The following TLK1 variants were observed in gnomAD, a reference collection of about 807,000 sequenced individuals.
TLK1 encodes tousled like kinase 1, also known as serine/threonine-protein kinase tousled-like 1.
A neutral mutation model predicts 105.3 loss-of-function variants in TLK1; 24 were observed. The observed-to-expected ratio is 0.23, with a 90% CI of 0.17 to 0.32. The LOEUF (loss-of-function observed/expected upper bound fraction) is 0.32, where lower values mean the gene tolerates loss of function less well. Ranked by LOEUF, TLK1 falls within the 10% of genes least tolerant of loss-of-function variation. The pLI, the probability that TLK1 is intolerant of heterozygous loss-of-function variation, is 1.00. For synonymous variants in TLK1, 321 were observed against 310.4 expected (o/e 1.03, Z -0.36); for missense variants, 558 against 910.5 (o/e 0.61, Z 4.98).
chr2:170,996,008 G>T (rs1351334980), intron 20 of TLK1, among the ~76,000 whole-genome samples: 2 of 148,598 alleles, frequency 1.3e-5, no homozygotes, highest in Non-Finnish European at 3.0e-5. Context: ...GGCCTATTTG[G>T]TTTTTTTGAG....
chr2:171,145,163 C>T (rs1691740342), intron 1 of TLK1, among the ~76,000 whole-genome samples: 1 of 151,866 alleles, frequency 6.6e-6, no homozygotes. Context: ...CAAAAATTAG[C>T]CAGGCGTGGA....
intron 3 of TLK1, among the ~76,000 whole-genome samples, chr2:171,064,990 T>C (rs1381037792): frequency 6.6e-6 from 1 of 152,074 alleles, no homozygotes; most frequent in Admixed American, 6.6e-5. Context: ...TTAATCAAGG[T>C]TTTTATATCT....
chr2:171,122,577 A>G (rs556477404), intron 1 of TLK1, among the ~76,000 whole-genome samples: 84 of 152,294 alleles, frequency 5.5e-4, no homozygotes, highest in Middle Eastern at 3.4e-3. Context: ...CCAGTCACAA[A>G]TATTTTAGTC....
chr2:171,011,421 A>G lies in TLK1; in HGVS notation c.1368T>C (p.Tyr456=), dbSNP rs567476586. The change falls in exon 14 of 21, where the codon TAT becomes TAC. Residue 456 remains tyrosine, a synonymous_variant. Coordinates refer to ENST00000431350, the MANE Select transcript of TLK1 (RefSeq NM_012290.5). ...CTCTACCAAGCAGATGAAGTAATAAATATCTTTCATTTAATGTTGGGTGAT... is the reference window on the plus strand; with the variant it reads ...CTCTACCAAGCAGATGAAGTAATAAGTATCTTTCATTTAATGTTGGGTGAT... ...FKDHPTLNER[Y]LLLHLLGRGG... is the part of the protein sequence containing the mutation. 1.2e-6 allele frequency: 2 copies of G among 1,613,556 alleles called. No individual in the cohort carries two copies. Among genetic ancestry groups the G allele is most frequent in the Admixed American group, 1.7e-5 (1 of 59,966 alleles).
chr2:171,202,498 C>T (rs1693423013), intron 1 of TLK1, among the ~76,000 whole-genome samples: 1 of 151,940 alleles, frequency 6.6e-6, no homozygotes, highest in South Asian at 2.1e-4. Context: ...GTGGCTTATG[C>T]CTGTAATCCC....
intron 1 of TLK1, among the ~76,000 whole-genome samples, chr2:171,208,751 G>T (rs1693555097): frequency 6.6e-6 from 1 of 152,174 alleles, no homozygotes; most frequent in Non-Finnish European, 1.5e-5. Flanking sequence ...TCATTCTCTT[G>T]GGGAAGCTGT....
rs1683888019 is a variant in TLK1 at position 170,993,602 on chromosome 2, CCT to C, written c.*176_*177del. On this transcript the variant is annotated 3_prime_UTR_variant, in exon 21 of 21. Transcript: ENST00000431350. ...TGTGCATTTATTCATTGTCCATGAT[CCT>C]CTCTCATACAAATGACACTATGAGG... The C allele has an allele frequency of 2.1e-6, 1 of 485,518 alleles. No individual in the cohort carries two copies. The highest frequency in any genetic ancestry group is 6.1e-5 in the South Asian group (1 of 16,432). The allele number at this position is 485,518 out of a possible 1,614,324, so 30.1% of individuals were successfully genotyped here. A position where few individuals can be genotyped will look rare whatever the true frequency, so the allele number is the denominator to read the frequency against.
intron 13 of TLK1, among the ~76,000 whole-genome samples, chr2:171,013,531 C>G (rs1685031618): frequency 6.6e-6 from 1 of 151,704 alleles, no homozygotes; most frequent in Non-Finnish European, 1.5e-5. Context: ...GTTTTTGACT[C>G]CTGGGCTCAA....
chr2:171,015,969 T>C (rs961102451), intron 12 of TLK1, among the ~76,000 whole-genome samples: 2 of 150,950 alleles, frequency 1.3e-5, no homozygotes, highest in Admixed American at 6.6e-5. Context: ...TCCCAGCTAC[T>C]TGGGAGGCTG....
intron 1 of TLK1, among the ~76,000 whole-genome samples, chr2:171,230,932 T>A (rs565204145): frequency 4.2e-4 from 64 of 152,310 alleles, no homozygotes; most frequent in Non-Finnish European, 9.3e-4. Context: ...CAAAAGCAGC[T>A]GAGAGACATT....
rs892630051 is a variant in TLK1 at position 170,991,666 on chromosome 2, G to C, written c.*2114C>G. ...TAAAATGGTAAAGCAGTGATCTCTA[G>C]GTCTATACTACTTAACTTACTGAAC... is the stretch of plus-strand genomic sequence containing the variant. On this transcript the variant is annotated 3_prime_UTR_variant, in exon 21 of 21. Transcript: ENST00000431350. The C allele has an allele frequency of 3.9e-5, 6 of 152,110 alleles. No individual in the cohort carries two copies. The highest frequency in any genetic ancestry group is 1.4e-4 in the African/African-American group (6 of 41,408). 9.4% of individuals were successfully genotyped at this position (152,110 alleles called of 1,614,324 possible).
chr2:171,162,004 TGTC>T (rs752376948), upstream of TLK1, among the ~76,000 whole-genome samples: 150 of 152,356 alleles, frequency 9.8e-4, no homozygotes, highest in African/African-American at 3.3e-3. Context: ...GGGACAAAAA[TGTC>T]GTTTCTATTT....
At chr2:171,122,625 A>G (rs1028782023) in intron 1 of TLK1, among the ~76,000 whole-genome samples, 1 of 152,086 alleles carries the variant, frequency 6.6e-6, no homozygotes, top group African/African-American at 2.4e-5. Flanking sequence ...AGATACTTAC[A>G]TAACAAGACA....
chr2:171,082,028 A>AAT (rs1222593638), intron 3 of TLK1, among the ~76,000 whole-genome samples: 5 of 118,874 alleles, frequency 4.2e-5, no homozygotes, highest in Non-Finnish European at 7.1e-5. Context: ...TGACGGGAAA[A>AAT]ATACACACAC....
intron 2 of TLK1, among the ~76,000 whole-genome samples, chr2:171,100,229 T>C (rs887334277): frequency 1.3e-4 from 20 of 152,194 alleles, no homozygotes; most frequent in Non-Finnish European, 2.6e-4. Context: ...AGAATGGTTA[T>C]GCTATGGATT....
At chr2:171,038,434 T>C (rs1407118377) in intron 11 of TLK1, among the ~76,000 whole-genome samples, 1 of 152,182 alleles carries the variant, frequency 6.6e-6, no homozygotes, top group East Asian at 1.9e-4. Context: ...TCTTCTTTTC[T>C]TACATACATA....
chr2:171,062,406 T>G (rs1481824313), intron 3 of TLK1, among the ~76,000 whole-genome samples: 1 of 152,228 alleles, frequency 6.6e-6, no homozygotes, highest in Non-Finnish European at 1.5e-5. Context: ...TAACAATACA[T>G]AGCCTAATTC....
chr2:171,120,808 A>G (rs1477117786), intron 1 of TLK1, among the ~76,000 whole-genome samples: 1 of 152,256 alleles, frequency 6.6e-6, no homozygotes, highest in Non-Finnish European at 1.5e-5. Flanking sequence ...AACCAATACA[A>G]GCGAAAGCAA....
rs547018002 is a variant in TLK1 at position 171,067,981 on chromosome 2, G to A, written c.331-6825C>T. On this transcript the variant is annotated intron_variant, in intron 3 of 20. Transcript: ENST00000431350. ...CTTTTTTATGGCTGCATAGTATTCC[G>A]TGGTGCCAATACAACACTTTTAATC... 2.5e-3 allele frequency among the ~76,000 whole-genome samples: 375 copies of A among 152,126 alleles called. 1 individual carries two copies. Among genetic ancestry groups the A allele is most frequent in the African/African-American group, 8.3e-3 (345 of 41,482 alleles).
Sources: gnomAD v4.1 joint callset for allele counts (sites outside exome capture counted in the v4.1 genomes callset) on GRCh38, gnomAD v4.1.1 for gene constraint, MANE v1.5 for transcripts, NCBI Gene and HGNC (gene_info 2026-07-23, HGNC 2026-07-21) for gene names.